The following CREB5 variants were observed in gnomAD, a reference collection of about 807,000 sequenced individuals.
The protein encoded by CREB5 is cyclic AMP-responsive element-binding protein 5.
CREB5 carries 19 observed loss-of-function variants against 57.1 expected under a neutral mutation model. The ratio of observed to expected loss-of-function variants is 0.33; its 90% CI spans 0.23 to 0.49. The LOEUF (loss-of-function observed/expected upper bound fraction) is 0.49, where lower values mean the gene tolerates loss of function less well. CREB5 is among the 20% of genes least tolerant of loss of function. The probability of loss-of-function intolerance (pLI) is 0.99; values close to 1 mark genes in which losing one functional copy is unlikely to be tolerated. For missense variants in CREB5, 579 were observed against 671.6 expected (o/e 0.86, Z 1.52); for synonymous variants, 238 against 238.3 (o/e 1.00, Z 0.01).
At chr7:28,551,584 C>A (rs1794643681) in intron 4 of CREB5, among the ~76,000 whole-genome samples, 2 of 152,218 alleles carry the variant, frequency 1.3e-5, no homozygotes, top group Non-Finnish European at 2.9e-5. Flanking sequence ...AATGTTACCC[C>A]ATTAATCACT....
In CREB5 at chr7:28,420,837, G is replaced by A. The variant is rs117429577; in HGVS notation, c.3+7920G>A. Among the ~76,000 whole-genome samples, 1,489 of 151,152 alleles carry A rather than the reference G, an allele frequency of 9.9e-3. 15 individuals carry two copies. Among genetic ancestry groups the A allele is most frequent in the Non-Finnish European group, 0.017 (1,133 of 67,882 alleles). ...AAAAAAAAAAAAAAAAAAGGTTAGG[G>A]TGGCAAGTTTTATGTTATATATATT... is the stretch of plus-strand genomic sequence containing the variant. On this transcript the variant is annotated intron_variant, in intron 1 of 10. Transcript: ENST00000357727.
Position 28,551,401 on chromosome 7 carries a change from C to T in CREB5, c.292-18964C>T, listed in dbSNP as rs139898194. Among the ~76,000 whole-genome samples the T allele has an allele frequency of 3.6e-3, 543 of 152,174 alleles. 1 individual carries two copies. The highest frequency in any genetic ancestry group is 0.012 in the African/African-American group (504 of 41,506). The stretch of plus-strand genomic sequence containing the variant: ...CTTCTTTTTCCTTTCCTCTGATGTC[C>T]GCCCACCCCTAGCCAAATCCTTTCA... On this transcript the variant is annotated intron_variant, in intron 4 of 10. Coordinates refer to ENST00000357727, the MANE Select transcript of CREB5 (RefSeq NM_182898.4).
At chr7:28,803,609 T>G (rs879598982) in intron 7 of CREB5, among the ~76,000 whole-genome samples, 4 of 151,922 alleles carry the variant, frequency 2.6e-5, no homozygotes, top group African/African-American at 7.3e-5. Context: ...ATACAAAAAT[T>G]AGCTGGGCAT....
At chr7:28,757,888 C>T (rs141358994) in intron 7 of CREB5, among the ~76,000 whole-genome samples, 334 of 152,112 alleles carry the variant, frequency 2.2e-3, no homozygotes, top group East Asian at 0.018. Context: ...TTGAGCATCG[C>T]GGTGATGCTC....
Position 28,779,483 on chromosome 7 carries a change from C to T in CREB5, c.703-24716C>T, listed in dbSNP as rs368717359. ...CATTTTTCTAAATCATGCTGCCTCC[C>T]TCATCCAGGCCTGCCAACCCTAACT... On this transcript the variant is annotated intron_variant, in intron 7 of 10. Coordinates refer to ENST00000357727, the MANE Select transcript of CREB5 (RefSeq NM_182898.4). Among the ~76,000 whole-genome samples the T allele has an allele frequency of 1.8e-4, 28 of 152,290 alleles. No homozygotes were observed. The East Asian group carries it at 5.0e-3, about 27-fold the overall frequency.
At chr7:28,465,151 G>C (rs1241603073) in intron 1 of CREB5, among the ~76,000 whole-genome samples, 1 of 152,204 alleles carries the variant, frequency 6.6e-6, no homozygotes, top group East Asian at 1.9e-4. Flanking sequence ...GCAGCTTCAG[G>C]TGAGCTCTAG....
intron 5 of CREB5, among the ~76,000 whole-genome samples, chr7:28,660,651 CTTTG>C (rs1562555686): frequency 6.6e-6 from 1 of 152,078 alleles, no homozygotes. Context: ...GTCTAGAGAA[CTTTG>C]TTTAACCTAA....
chr7:28,695,156 G>A (rs374478184), intron 5 of CREB5, among the ~76,000 whole-genome samples: 5 of 152,340 alleles, frequency 3.3e-5, no homozygotes, highest in African/African-American at 7.2e-5. Context: ...GAGCCCGGTA[G>A]TTCCAGGCTG....
Position 28,486,672 on chromosome 7 carries a change from AT to A in CREB5, c.4-1502del, listed in dbSNP as rs1791565422. ...CTAAACGTGTATCTCCTATGATTTTATATATATATATATATATATATGTTAC... is the reference window on the plus strand; with the variant it reads ...CTAAACGTGTATCTCCTATGATTTTAATATATATATATATATATATGTTAC... On this transcript the variant is annotated intron_variant, in intron 1 of 10. Coordinates refer to ENST00000357727, the MANE Select transcript of CREB5 (RefSeq NM_182898.4). Among the ~76,000 whole-genome samples, 10 of 120,820 alleles carry A rather than the reference AT, an allele frequency of 8.3e-5. 1 individual carries two copies. The highest frequency in any genetic ancestry group is 4.4e-4 in the East Asian group (2 of 4,508). The allele number at this position is 120,820 out of a possible 152,430, so 79.3% of individuals were successfully genotyped here.
intron 7 of CREB5, 40 bp downstream of exon 7, chr7:28,724,372 C>G: frequency 6.5e-7 from 1 of 1,548,702 alleles, no homozygotes. Context: ...TATTCTGTGA[C>G]TTTTTCTTTT....
chr7:28,612,823 G>C (rs557100851), intron 5 of CREB5, among the ~76,000 whole-genome samples: 1 of 152,186 alleles, frequency 6.6e-6, no homozygotes, highest in East Asian at 1.9e-4. Context: ...TAGTCGAAGG[G>C]GAAAGAGAAG....
chr7:28,551,973 C>CTTTCTCTCTTTCTCTCT (rs1562791351), intron 4 of CREB5, among the ~76,000 whole-genome samples: 1 of 111,554 alleles, frequency 9.0e-6, no homozygotes, highest in Non-Finnish European at 1.7e-5. Context: ...TTTATTCTCT[C>CTTTCTCTCTTTCTCTCT]TTTCTCTCTC....
At chr7:28,315,360 A>G (rs751536448) in intron 1 of CREB5, among the ~76,000 whole-genome samples, 1 of 152,204 alleles carries the variant, frequency 6.6e-6, no homozygotes, top group East Asian at 1.9e-4. Context: ...AAAAGTCACT[A>G]TGATGACTCT....
chr7:28,490,092 G>A (rs1453762464), intron 2 of CREB5, among the ~76,000 whole-genome samples: 1 of 152,170 alleles, frequency 6.6e-6, no homozygotes, highest in Non-Finnish European at 1.5e-5. Context: ...GTCACATTAC[G>A]TTTGATTCAA....
intron 7 of CREB5, among the ~76,000 whole-genome samples, chr7:28,758,058 G>A (rs1027356900): frequency 6.6e-6 from 1 of 152,192 alleles, no homozygotes; most frequent in African/African-American, 2.4e-5. Flanking sequence ...CAGCAGTGCA[G>A]AACACAGTAA....
At chr7:28,586,046 G>C (rs1185864453) in intron 5 of CREB5, among the ~76,000 whole-genome samples, 2 of 152,192 alleles carry the variant, frequency 1.3e-5, no homozygotes, top group East Asian at 1.9e-4. Flanking sequence ...TGGGTTTTCT[G>C]TTTCTCAAGG....
Position 28,379,100 on chromosome 7 carries a change from C to T in CREB5, c.-25+79659C>T, listed in dbSNP as rs954076354. ...CTTTCCCTCATACTTTCATGGCTTT[C>T]TGAAAATTGGAACAATTGTCTTGAT... On this transcript the variant is annotated intron_variant, in intron 1 of 9. Coordinates refer to the CREB5 transcript ENST00000396299. 9.2e-5 allele frequency among the ~76,000 whole-genome samples: 14 copies of T among 152,158 alleles called. No homozygotes were observed. In the East Asian group the frequency reaches 2.7e-3, roughly 29 times the overall value.
chr7:28,770,927 A>AAAAC (rs992347118), intron 7 of CREB5, among the ~76,000 whole-genome samples: 3 of 152,338 alleles, frequency 2.0e-5, no homozygotes, highest in South Asian at 4.1e-4. Context: ...TTCTCATCAT[A>AAAAC]AAACAAAACA....
At chr7:28,537,486 T>C (rs546432699) in intron 4 of CREB5, among the ~76,000 whole-genome samples, 2 of 151,826 alleles carry the variant, frequency 1.3e-5, no homozygotes, top group Non-Finnish European at 1.5e-5. Context: ...GAAATGGACA[T>C]GGAGGTGTAC....
Sources: gnomAD v4.1 joint callset for allele counts (sites outside exome capture counted in the v4.1 genomes callset) on GRCh38, gnomAD v4.1.1 for gene constraint, MANE v1.5 for transcripts, NCBI Gene and HGNC (gene_info 2026-07-23, HGNC 2026-07-21) for gene names.